The following ERGIC2 variants were observed in gnomAD, a reference collection of about 807,000 sequenced individuals.
ERGIC2 encodes ERGIC and golgi 2, also known as endoplasmic reticulum-Golgi intermediate compartment protein 2.
Under a neutral mutation model 52.5 loss-of-function variants are expected in ERGIC2, and 31 were observed. The observed-to-expected ratio is 0.59, with a 90% CI of 0.44 to 0.80. The LOEUF (loss-of-function observed/expected upper bound fraction) is 0.80. Among genes scored for constraint, ERGIC2 ranks in the 30% least tolerant of loss-of-function variants. The pLI is 0.00. For synonymous variants in ERGIC2, 129 were observed against 140.6 expected (o/e 0.92, Z 0.58); for missense variants, 395 against 455.2 (o/e 0.87, Z 1.20).
chr12:29,347,199 T>A (rs1437987928), intron 10 of ERGIC2, among the ~76,000 whole-genome samples: 1 of 152,214 alleles, frequency 6.6e-6, no homozygotes, highest in Non-Finnish European at 1.5e-5. Context: ...GCTAAGCCAC[T>A]CAATTAGATA....
chr12:29,362,653 G>C (rs752983264), intron 5 of ERGIC2, among the ~76,000 whole-genome samples: 6 of 151,568 alleles, frequency 4.0e-5, no homozygotes, highest in Non-Finnish European at 7.4e-5. Flanking sequence ...TCTGTGATTT[G>C]ATTTTTTAAT....
chr12:29,356,141 C>G (rs1940200950), intron 8 of ERGIC2, among the ~76,000 whole-genome samples: 1 of 152,032 alleles, frequency 6.6e-6, no homozygotes. Context: ...CCTGCCTCAG[C>G]CCCTCGAGTA....
At chr12:29,362,748 A>C (rs911035982) in intron 5 of ERGIC2, among the ~76,000 whole-genome samples, 34 of 152,306 alleles carry the variant, frequency 2.2e-4, no homozygotes, top group African/African-American at 7.7e-4. Context: ...GCTTCAAGTT[A>C]AATTGTCCCA....
At chr12:29,350,330 T>C (rs1239902431) in intron 8 of ERGIC2, among the ~76,000 whole-genome samples, 1 of 152,132 alleles carries the variant, frequency 6.6e-6, no homozygotes, top group Non-Finnish European at 1.5e-5. Flanking sequence ...TCAAGTATAT[T>C]ATGTAGTTAC....
intron 8 of ERGIC2, among the ~76,000 whole-genome samples, 177 bp downstream of exon 8, chr12:29,356,205 T>C (rs1940202234): frequency 6.6e-6 from 1 of 152,084 alleles, no homozygotes; most frequent in Admixed American, 6.5e-5. Flanking sequence ...GTATTTTTAG[T>C]AGAGATGAGG....
chr12:29,364,787 G>A (rs1422340219), intron 5 of ERGIC2, among the ~76,000 whole-genome samples: 1 of 151,894 alleles, frequency 6.6e-6, no homozygotes, highest in African/African-American at 2.4e-5. Flanking sequence ...CCATTAAAAA[G>A]TCGGCAAAGG....
chr12:29,361,274 T>G (rs755213550), intron 6 of ERGIC2, among the ~76,000 whole-genome samples: 1 of 151,994 alleles, frequency 6.6e-6, no homozygotes, highest in Non-Finnish European at 1.5e-5. Flanking sequence ...GTTTACAAAT[T>G]TGTGTTAAGC....
intron 7 of ERGIC2, among the ~76,000 whole-genome samples, chr12:29,356,681 T>C (rs1565539397): frequency 6.6e-6 from 1 of 152,202 alleles, no homozygotes; most frequent in Admixed American, 6.5e-5. Context: ...TAATATCTAT[T>C]ACATTTACAT....
chr12:29,356,278 CT>C, intron 8 of ERGIC2, 103 bp downstream of exon 8: 1 of 668,586 alleles, frequency 1.5e-6, no homozygotes, highest in Non-Finnish European at 2.7e-6. Context: ...CCGCCTCAGC[CT>C]CCCAAAGTGC....
Position 29,341,132 on chromosome 12 carries a change from T to A in ERGIC2, c.*24A>T, listed in dbSNP as rs1306947663. Reference sequence around the variant, plus strand: ...AAGGTTTTATGTCTCAGGCAAAAAGTTTTTCTCCTTCAATCGGGAGGTGTT... The same window carrying A: ...AAGGTTTTATGTCTCAGGCAAAAAGATTTTCTCCTTCAATCGGGAGGTGTT... On this transcript the variant is annotated 3_prime_UTR_variant, in exon 14 of 14. Coordinates refer to ENST00000360150, the MANE Select transcript of ERGIC2 (RefSeq NM_016570.3). 6.4e-7 allele frequency: 1 copy of A among 1,573,000 alleles called. No individual in the cohort carries two copies. Among genetic ancestry groups the A allele is most frequent in the Non-Finnish European group, 8.7e-7 (1 of 1,150,536 alleles).
chr12:29,369,703 T>A (rs1391954691), intron 3 of ERGIC2, among the ~76,000 whole-genome samples: 1 of 151,984 alleles, frequency 6.6e-6, no homozygotes, highest in Non-Finnish European at 1.5e-5. Context: ...AGTAATCTTA[T>A]TTACATAAAG....
intron 3 of ERGIC2, among the ~76,000 whole-genome samples, chr12:29,368,991 T>C (rs80317973): frequency 6.6e-6 from 1 of 152,090 alleles, no homozygotes; most frequent in African/African-American, 2.4e-5. Flanking sequence ...TTGCGAATAA[T>C]AGACTGGCTA....
At chr12:29,379,171 C>T (rs1348325856) in intron 1 of ERGIC2, among the ~76,000 whole-genome samples, 3 of 152,034 alleles carry the variant, frequency 2.0e-5, no homozygotes, top group Non-Finnish European at 4.4e-5. Flanking sequence ...CAAAGAACAA[C>T]TAGACTATAG....
chr12:29,371,189 A>G (rs570600717), intron 2 of ERGIC2, among the ~76,000 whole-genome samples: 71 of 152,308 alleles, frequency 4.7e-4, no homozygotes, highest in Non-Finnish European at 2.9e-5. Context: ...GGTAAATACT[A>G]GTATGATCCC....
chr12:29,341,449 C>T (rs926774531), intron 13 of ERGIC2, among the ~76,000 whole-genome samples: 1 of 152,128 alleles, frequency 6.6e-6, no homozygotes, highest in African/African-American at 2.4e-5. Flanking sequence ...TAGCTCACTA[C>T]AACCTCAACT....
chr12:29,343,007 C>A, intron 12 of ERGIC2, 113 bp downstream of exon 12: 1 of 813,992 alleles, frequency 1.2e-6, no homozygotes, highest in Non-Finnish European at 1.8e-6. Flanking sequence ...AAAGCAAAAG[C>A]TATTTAAACA....
chr12:29,353,480 T>C (rs996348165), intron 8 of ERGIC2, among the ~76,000 whole-genome samples: 1 of 152,180 alleles, frequency 6.6e-6, no homozygotes, highest in Non-Finnish European at 1.5e-5. Context: ...TTTTAGAATA[T>C]GTACATTTTA....
At chr12:29,363,473 A>G (rs1940313684) in intron 5 of ERGIC2, among the ~76,000 whole-genome samples, 1 of 151,928 alleles carries the variant, frequency 6.6e-6, no homozygotes, top group Admixed American at 6.6e-5. Context: ...TCCTAAAAGC[A>G]TGGTTAAACA....
chr12:29,360,806 T>C (rs1177127036), intron 6 of ERGIC2, among the ~76,000 whole-genome samples: 3 of 151,788 alleles, frequency 2.0e-5, no homozygotes, highest in African/African-American at 4.8e-5. Flanking sequence ...TACATTTACT[T>C]TGTATCTGGG....
Sources: gnomAD v4.1 joint callset for allele counts (sites outside exome capture counted in the v4.1 genomes callset) on GRCh38, gnomAD v4.1.1 for gene constraint, MANE v1.5 for transcripts, NCBI Gene and HGNC (gene_info 2026-07-23, HGNC 2026-07-21) for gene names.